NTM: variants seen among roughly 807,000 people sequenced by gnomAD.
The protein encoded by NTM is neurotrimin, also known as IgLON family member 2.
NTM carries 13 observed loss-of-function variants against 42.1 expected under a neutral mutation model. That is an observed-to-expected ratio of 0.31 (90% CI 0.20 to 0.49). NTM has a LOEUF of 0.49. Ranked by LOEUF, NTM falls within the 20% of genes least tolerant of loss-of-function variation. NTM has a pLI of 0.99. For synonymous variants in NTM, 187 were observed against 179.2 expected (o/e 1.04, Z -0.35); for missense variants, 373 against 452.8 (o/e 0.82, Z 1.60).
chr11:131,931,868 C>T (rs950465101), intron 2 of NTM, among the ~76,000 whole-genome samples: 1 of 152,132 alleles, frequency 6.6e-6, no homozygotes, highest in African/African-American at 2.4e-5. Context: ...AGCCAAAATA[C>T]AATAGGGAAC....
intron 2 of NTM, among the ~76,000 whole-genome samples, chr11:131,919,924 G>T (rs2056977533): frequency 6.6e-6 from 1 of 151,980 alleles, no homozygotes; most frequent in African/African-American, 2.4e-5. Flanking sequence ...GTTTTTTTGT[G>T]GTGCCTCTCC....
Position 131,921,685 on chromosome 11 carries a change from C to T in NTM, c.167+10037C>T, listed in dbSNP as rs115000657. 5.2e-3 allele frequency among the ~76,000 whole-genome samples: 791 copies of T among 152,278 alleles called. 7 individuals are homozygous for T. The highest frequency in any genetic ancestry group is 0.018 in the African/African-American group (744 of 41,534). On this transcript the variant is annotated intron_variant, in intron 2 of 8. Transcript: ENST00000683400. ...GATCACCCAGTTCCCAGCTGTGACA[C>T]GAGCCACTGCAGTCCACAGAGGAAG...
Position 131,599,981 on chromosome 11 carries a change from A to C in NTM, c.82+229093A>C, listed in dbSNP as rs149995031. ...AATTGTTATAAACAGAGACTACCTT[A>C]GGCTGATTGTTTTCCTTGCCTTCTC... On this transcript the variant is annotated intron_variant, in intron 1 of 8. Transcript: ENST00000683400. Among the ~76,000 whole-genome samples the C allele has an allele frequency of 1.8e-4, 28 of 152,356 alleles. 2 individuals carry two copies. The highest frequency in any genetic ancestry group is 6.0e-4 in the African/African-American group (25 of 41,594).
chr11:132,248,860 G>T (rs1226539865), intron 4 of NTM, among the ~76,000 whole-genome samples: 1 of 152,222 alleles, frequency 6.6e-6, no homozygotes, highest in Non-Finnish European at 1.5e-5. Flanking sequence ...TCTCTCCTCA[G>T]CTGGATGGGC....
intron 1 of NTM, among the ~76,000 whole-genome samples, chr11:131,907,368 G>A (rs1290777492): frequency 6.6e-6 from 1 of 152,196 alleles, no homozygotes; most frequent in African/African-American, 2.4e-5. Context: ...TCCATCTACT[G>A]CTTCCTCACC....
intron 1 of NTM, among the ~76,000 whole-genome samples, chr11:131,518,793 T>C (rs1470716439): frequency 6.6e-6 from 1 of 152,206 alleles, no homozygotes; most frequent in African/African-American, 2.4e-5. Context: ...TTCATTTGTA[T>C]GGATTGCATG....
intron 3 of NTM, 100 bp from the exon 4 acceptor site, chr11:132,211,922 A>G (rs2082912930): frequency 4.5e-6 from 5 of 1,102,804 alleles, no homozygotes; most frequent in East Asian, 5.5e-5. Flanking sequence ...ACTGTAGTCC[A>G]TATATTTTAC....
chr11:131,601,116 G>C (rs1244436808), intron 1 of NTM, among the ~76,000 whole-genome samples: 1 of 152,196 alleles, frequency 6.6e-6, no homozygotes, highest in African/African-American at 2.4e-5. Flanking sequence ...TAAGGGCCAG[G>C]AGGCAGGATG....
At chr11:132,009,159 A>G (rs1262968875) in intron 2 of NTM, among the ~76,000 whole-genome samples, 4 of 152,196 alleles carry the variant, frequency 2.6e-5, no homozygotes, top group African/African-American at 7.2e-5. Flanking sequence ...AAAAGCTACA[A>G]TTGGAAACCT....
chr11:132,025,392 C>A (rs1446508908), intron 2 of NTM, among the ~76,000 whole-genome samples: 1 of 152,166 alleles, frequency 6.6e-6, no homozygotes, highest in Admixed American at 6.5e-5. Context: ...TTTTGTAATT[C>A]TTTTATCTGC....
chr11:131,784,378 T>G (rs2136037417), intron 1 of NTM, among the ~76,000 whole-genome samples: 1 of 152,198 alleles, frequency 6.6e-6, no homozygotes, highest in African/African-American at 2.4e-5. Flanking sequence ...AGATTAAAAT[T>G]TATATTAGAT....
At chr11:131,608,830 G>T (rs2061227539) in intron 1 of NTM, among the ~76,000 whole-genome samples, 1 of 152,100 alleles carries the variant, frequency 6.6e-6, no homozygotes, top group Non-Finnish European at 1.5e-5. Context: ...TTAAAGATAA[G>T]ATATCTTCAG....
intron 4 of NTM, among the ~76,000 whole-genome samples, chr11:132,294,268 G>C (rs1035243537): frequency 1.3e-4 from 20 of 151,824 alleles, no homozygotes; most frequent in African/African-American, 4.6e-4. Flanking sequence ...TGTGCTCTCT[G>C]GCTCTCTCAC....
intron 7 of NTM, among the ~76,000 whole-genome samples, chr11:132,329,187 GCA>G (rs1351938417): frequency 6.6e-6 from 1 of 152,158 alleles, no homozygotes; most frequent in Non-Finnish European, 1.5e-5. Flanking sequence ...GAGGACCTTT[GCA>G]CAGAGAACAC....
In NTM at chr11:131,457,206, A is replaced by G. The variant is rs116730351; in HGVS notation, c.82+86318A>G. Among the ~76,000 whole-genome samples, 1,185 of 152,338 alleles carry G rather than the reference A, an allele frequency of 7.8e-3. 22 individuals are homozygous for G. Among genetic ancestry groups the G allele is most frequent in the African/African-American group, 0.026 (1,087 of 41,580 alleles). On this transcript the variant is annotated intron_variant, in intron 1 of 8. Coordinates refer to ENST00000683400, the MANE Select transcript of NTM (RefSeq NM_001352005.2). ...AACTAGCAAACATATAACATGAAGA[A>G]AAACAAAGAAGACTAAGTCCAAGAG... is the stretch of plus-strand genomic sequence containing the variant.
intron 3 of NTM, among the ~76,000 whole-genome samples, chr11:132,205,852 G>A (rs2081910150): frequency 6.6e-6 from 1 of 152,046 alleles, no homozygotes; most frequent in Admixed American, 6.6e-5. Flanking sequence ...TATTCTTCCT[G>A]GATGTCCCTC....
At position 132,059,778 on chromosome 11, in the gene NTM, G is replaced by A. The variant is rs534071708; in HGVS notation, c.168-86504G>A. On this transcript the variant is annotated intron_variant, in intron 2 of 8. Coordinates refer to ENST00000683400, the MANE Select transcript of NTM (RefSeq NM_001352005.2). ...CCACGAGCTCTGCATCAGCCTCAGAGCCTGGTTTGTTTCTTCAGGGTATTT... is the reference window on the plus strand; with the variant it reads ...CCACGAGCTCTGCATCAGCCTCAGAACCTGGTTTGTTTCTTCAGGGTATTT... Among the ~76,000 whole-genome samples the A allele has an allele frequency of 5.4e-5, 8 of 148,234 alleles. No homozygotes were observed. The South Asian group carries it at 1.5e-3, about 28-fold the overall frequency.
Position 131,422,243 on chromosome 11 carries a change from C to T in NTM, c.82+51355C>T, listed in dbSNP as rs1419899520. On this transcript the variant is annotated intron_variant, in intron 1 of 8. Transcript: ENST00000683400. The stretch of plus-strand genomic sequence containing the variant: ...TTGAATGTTTCAGAATATTTCAGAA[C>T]TTGATGCCTGGCCAACTTCAATCTG... 2.6e-5 allele frequency among the ~76,000 whole-genome samples: 4 copies of T among 152,320 alleles called. No individual in the cohort carries two copies. The East Asian group carries it at 5.8e-4, about 22-fold the overall frequency.
chr11:131,430,007 G>A (rs1332825231), intron 1 of NTM, among the ~76,000 whole-genome samples: 1 of 152,176 alleles, frequency 6.6e-6, no homozygotes, highest in Admixed American at 6.5e-5. Flanking sequence ...AGTGTCGAAT[G>A]AAGCACTTAA....
Sources: allele counts gnomAD v4.1 joint callset (sites outside exome capture counted in the v4.1 genomes callset), GRCh38; gene constraint gnomAD v4.1.1; transcripts MANE v1.5; gene names NCBI Gene and HGNC (gene_info 2026-07-23, HGNC 2026-07-21).